Variants in OTUD7A observed in about 807,000 individuals in gnomAD.
The protein encoded by OTUD7A is OTU deubiquitinase 7A, also known as OTU domain-containing protein 7A.
In OTUD7A, 12 loss-of-function variants were observed where a neutral mutation model predicts 65.7. That is an observed-to-expected ratio of 0.18 (90% CI 0.12 to 0.30). The LOEUF is 0.30. OTUD7A is among the 10% of genes least tolerant of loss of function. The pLI is 1.00. For synonymous variants in OTUD7A, 641 were observed against 586.3 expected (o/e 1.09, Z -1.35); for missense variants, 1,148 against 1,304.8 (o/e 0.88, Z 1.85).
At chr15:31,785,256 G>A (rs1895642839) in intron 1 of OTUD7A, among the ~76,000 whole-genome samples, 1 of 152,158 alleles carries the variant, frequency 6.6e-6, no homozygotes, top group African/African-American at 2.4e-5. Flanking sequence ...TGTAAACCCT[G>A]TAAGTATGCA....
intron 4 of OTUD7A, among the ~76,000 whole-genome samples, chr15:31,563,121 T>C (rs1163274567): frequency 2.0e-5 from 3 of 152,186 alleles, no homozygotes; most frequent in African/African-American, 7.2e-5. Flanking sequence ...CAGCTACACT[T>C]ACTAGGCCCT....
chr15:31,695,896 C>T (rs1294269722), intron 1 of OTUD7A, among the ~76,000 whole-genome samples: 8 of 151,164 alleles, frequency 5.3e-5, no homozygotes, highest in African/African-American at 1.9e-4. Flanking sequence ...TATTCTGTGC[C>T]AGGCCTTCAC....
intron 8 of OTUD7A, among the ~76,000 whole-genome samples, chr15:31,513,213 G>A (rs1171721586): frequency 6.6e-6 from 1 of 152,218 alleles, no homozygotes; most frequent in African/African-American, 2.4e-5. Context: ...GGCAGCAATC[G>A]AAACCTCACA....
intron 1 of OTUD7A, among the ~76,000 whole-genome samples, chr15:31,711,296 C>A (rs1180265264): frequency 1.3e-5 from 2 of 152,122 alleles, no homozygotes; most frequent in Non-Finnish European, 2.9e-5. Flanking sequence ...ATTTCTATTA[C>A]AAAATCAGGG....
intron 1 of OTUD7A, among the ~76,000 whole-genome samples, chr15:31,848,343 T>C (rs1335773767): frequency 6.6e-6 from 1 of 152,006 alleles, no homozygotes; most frequent in Non-Finnish European, 1.5e-5. Flanking sequence ...GGGATTGAGA[T>C]GAGGGGGACG....
chr15:31,738,506 A>G (rs1167405079), intron 1 of OTUD7A, among the ~76,000 whole-genome samples: 1 of 152,178 alleles, frequency 6.6e-6, no homozygotes, highest in African/African-American at 2.4e-5. Context: ...ATAGTTTCCA[A>G]GGGTCCCAGA....
chr15:31,737,293 T>C (rs921156353), intron 1 of OTUD7A, among the ~76,000 whole-genome samples: 4 of 152,028 alleles, frequency 2.6e-5, no homozygotes, highest in Non-Finnish European at 4.4e-5. Flanking sequence ...AGAACTGCTA[T>C]CCACTATTGA....
At chr15:31,840,742 T>C (rs1486415170) in intron 1 of OTUD7A, among the ~76,000 whole-genome samples, 1 of 152,262 alleles carries the variant, frequency 6.6e-6, no homozygotes, top group East Asian at 1.9e-4. Context: ...AATATTTCTC[T>C]TGAGGATTTA....
intron 1 of OTUD7A, among the ~76,000 whole-genome samples, chr15:31,737,601 T>C (rs1244566651): frequency 2.0e-5 from 3 of 152,230 alleles, no homozygotes; most frequent in Non-Finnish European, 4.4e-5. Flanking sequence ...TAAGAACTTG[T>C]TGACTCAGTG....
chr15:31,569,335 C>T (rs1298592262), intron 4 of OTUD7A, among the ~76,000 whole-genome samples: 8 of 152,220 alleles, frequency 5.3e-5, no homozygotes, highest in Non-Finnish European at 1.0e-4. Flanking sequence ...CAGCAGTGAT[C>T]TAAAAATTAA....
intron 6 of OTUD7A, among the ~76,000 whole-genome samples, chr15:31,530,138 C>T (rs2042066638): frequency 6.6e-6 from 1 of 152,140 alleles, no homozygotes; most frequent in South Asian, 2.1e-4. Context: ...TGCTGACTCC[C>T]CTGTGATTTA....
chr15:31,486,032 A>C (rs989060091), intron 12 of OTUD7A, among the ~76,000 whole-genome samples: 7 of 152,186 alleles, frequency 4.6e-5, no homozygotes, highest in African/African-American at 1.7e-4. Context: ...TGGTGCTAGC[A>C]GGAGCGCACT....
Position 31,511,223 on chromosome 15 carries a change from A to G in OTUD7A, c.894-7405T>C, listed in dbSNP as rs186867019. 1.3e-3 allele frequency among the ~76,000 whole-genome samples: 5 copies of G among 3,820 alleles called. 2 individuals carry two copies. In the East Asian group the frequency reaches 0.16, roughly 119 times the overall value. 2.5% of individuals were successfully genotyped at this position (3,820 alleles called of 152,430 possible). ...GTATATCTATATGTAACACACATAC[A>G]TATGTATATCTATATGTAACACACA... On this transcript the variant is annotated intron_variant, in intron 8 of 12. Transcript: ENST00000307050.
chr15:31,792,458 C>T (rs34314644), intron 1 of OTUD7A, among the ~76,000 whole-genome samples: 8,233 of 152,246 alleles, frequency 0.054, 476 homozygotes, highest in African/African-American at 0.15. Context: ...GCCCTCCCCT[C>T]TCCCCATATT....
chr15:31,640,406 A>G (rs1566956103), intron 3 of OTUD7A, among the ~76,000 whole-genome samples: 2 of 151,436 alleles, frequency 1.3e-5, no homozygotes. Flanking sequence ...CTACGGAAAT[A>G]AAAAAAAATA....
intron 9 of OTUD7A, 63 bp downstream of exon 9, chr15:31,503,628 T>C: frequency 2.5e-6 from 4 of 1,606,998 alleles, no homozygotes; most frequent in Non-Finnish European, 3.4e-6. Context: ...TGCTATCTGC[T>C]TTCTAGCTGG....
intron 5 of OTUD7A, among the ~76,000 whole-genome samples, chr15:31,552,829 A>G (rs1888368760): frequency 6.6e-6 from 1 of 152,216 alleles, no homozygotes; most frequent in Non-Finnish European, 1.5e-5. Flanking sequence ...GCTCCAAAGC[A>G]CAGCAAGGAT....
At chr15:31,526,177 G>A (rs34483391) in intron 8 of OTUD7A, among the ~76,000 whole-genome samples, 172 bp downstream of exon 8, 17,649 of 152,184 alleles carry the variant, frequency 0.12, 1,687 homozygotes, top group African/African-American at 0.26. Context: ...CATCACCCAC[G>A]GTCCTCCCGT....
chr15:31,636,589 C>T (rs1470809611), intron 3 of OTUD7A, among the ~76,000 whole-genome samples: 5 of 152,022 alleles, frequency 3.3e-5, no homozygotes, highest in South Asian at 2.1e-4. Flanking sequence ...AAATCAAAAG[C>T]TAGGAATGGT....
Sources: allele counts gnomAD v4.1 joint callset (sites outside exome capture counted in the v4.1 genomes callset), GRCh38; gene constraint gnomAD v4.1.1; transcripts MANE v1.5; gene names NCBI Gene and HGNC (gene_info 2026-07-23, HGNC 2026-07-21).